Variants in HEXA observed in about 807,000 individuals in gnomAD.
HEXA encodes hexosaminidase subunit alpha.
HEXA carries 54 observed loss-of-function variants against 73.3 expected under a neutral mutation model. The ratio of observed to expected loss-of-function variants is 0.74; its 90% CI spans 0.59 to 0.92. HEXA has a LOEUF of 0.92. Among genes scored for constraint, HEXA ranks in the 40% least tolerant of loss-of-function variants. The pLI is 0.00. For synonymous variants in HEXA, 230 were observed against 246.9 expected (o/e 0.93, Z 0.64); for missense variants, 649 against 653.0 (o/e 0.99, Z 0.07).
In HEXA at chr15:72,344,135, C is replaced by A. The variant is rs1448744870; in HGVS notation, c.1532G>T (p.Gly511Val). The part of the protein sequence containing the change: ...SHFRCELLRR[G>V]VQAQPLNVGF... ...TACATTGAGGGGTTGGGCCTGGACACCTCGCCTGCAAGAGGACATGAAGAA... is the reference window on the plus strand; with the variant it reads ...TACATTGAGGGGTTGGGCCTGGACAACTCGCCTGCAAGAGGACATGAAGAA... Residue 511 changes from glycine to valine, a missense_variant, in exon 14 of 14, where the codon GGT (glycine) becomes GTT (valine). Coordinates refer to ENST00000268097, the MANE Select transcript of HEXA (RefSeq NM_000520.6). The A allele has an allele frequency of 6.2e-7, 1 of 1,613,780 alleles. No individual in the cohort carries two copies. The highest frequency in any genetic ancestry group is 2.2e-5 in the East Asian group (1 of 44,866).
rs2088610855 is a variant in HEXA, at chr15:72,346,222, C to CAA, written c.1421+12_1421+13insTT. ...CAGGCCCAACCCTCCACCTCCCCCCCGAAAACCCTTACCAGAGCCTGGGGA... is the reference window on the plus strand; with the variant it reads ...CAGGCCCAACCCTCCACCTCCCCCCCAAGAAAACCCTTACCAGAGCCTGGGGA... On this transcript the variant is annotated intron_variant, in intron 12 of 13. Coordinates refer to ENST00000268097, the MANE Select transcript of HEXA (RefSeq NM_000520.6). The CAA allele has an allele frequency of 6.2e-7, 1 of 1,608,434 alleles. No homozygotes were observed. Among genetic ancestry groups the CAA allele is most frequent in the Admixed American group, 1.7e-5 (1 of 59,852 alleles).
At chr15:72,361,364 T>C (rs1029821546) in intron 1 of HEXA, among the ~76,000 whole-genome samples, 1 of 152,204 alleles carries the variant, frequency 6.6e-6, no homozygotes, top group Middle Eastern at 3.2e-3. Flanking sequence ...CCCAATGTAC[T>C]AATGTTACCC....
intron 1 of HEXA, among the ~76,000 whole-genome samples, chr15:72,367,795 C>A (rs1233816227): frequency 1.3e-5 from 2 of 152,202 alleles, no homozygotes; most frequent in Non-Finnish European, 1.5e-5. Context: ...GCCTTTTCCA[C>A]GCGCAGTTCT....
chr15:72,363,199 T>C (rs183545927), intron 1 of HEXA, among the ~76,000 whole-genome samples: 211 of 152,346 alleles, frequency 1.4e-3, no homozygotes, highest in Non-Finnish European at 2.1e-3. Context: ...ATATTGTGCA[T>C]TTAATGTGCA....
Position 72,347,981 on chromosome 15 carries a change from G to A in HEXA, c.1073+67C>T, listed in dbSNP as rs980106724. The A allele has an allele frequency of 3.5e-6, 4 of 1,150,914 alleles. No homozygotes were observed. The African/African-American group carries it at 4.5e-5, about 13-fold the overall frequency. 71.3% of individuals were successfully genotyped at this position (1,150,914 alleles called of 1,614,324 possible). A position where few individuals can be genotyped will look rare whatever the true frequency, so the allele number is the denominator to read the frequency against. ...CAGTGGCCAAGCAGGGCCTGACTCG[G>A]TATGGAAAGGGAGGACCCCACAGGA... On this transcript the variant is annotated intron_variant, in intron 9 of 13. Transcript: ENST00000268097.
At chr15:72,350,060 G>C (rs1028634412) in intron 7 of HEXA, among the ~76,000 whole-genome samples, 4 of 152,086 alleles carry the variant, frequency 2.6e-5, no homozygotes, top group African/African-American at 9.7e-5. Context: ...CACCACGCCC[G>C]GCCAATATCT....
chr15:72,367,558 T>C (rs2088934095), intron 1 of HEXA, among the ~76,000 whole-genome samples: 1 of 152,232 alleles, frequency 6.6e-6, no homozygotes, highest in South Asian at 2.1e-4. Flanking sequence ...CAAGCCCCAA[T>C]GTAGCTAGAG....
Position 72,349,200 on chromosome 15 carries a change from G to C in HEXA, c.865C>G (p.Pro289Ala). 6.2e-7 allele frequency: 1 copy of C among 1,613,970 alleles called. No homozygotes were observed. The highest frequency in any genetic ancestry group is 8.5e-7 in the Non-Finnish European group (1 of 1,179,836). ...GTATTATTGAGACTGGGATTCACTGGTCCAAAGGTGCCAGAGGGCTCAGAC... is the reference window on the plus strand; with the variant it reads ...GTATTATTGAGACTGGGATTCACTGCTCCAAAGGTGCCAGAGGGCTCAGAC... ...SGSEPSGTFG[P>A]VNPSLNNTYE... The change falls in exon 8 of 14, where the codon CCA becomes GCA. Residue 289 changes from proline (P) to alanine (A), a missense_variant. Physicochemically the swap from Pro to Ala is conservative, Grantham distance 27. Coordinates refer to ENST00000268097, the MANE Select transcript of HEXA (RefSeq NM_000520.6).
At chr15:72,358,666 TCC>T (rs2088815461) in intron 1 of HEXA, 2 of 152,206 alleles carry the variant, frequency 1.3e-5, no homozygotes, top group South Asian at 4.2e-4. Flanking sequence ...TGGTGAAGAA[TCC>T]CTGTCCGAAG....
chr15:72,343,726 T>G lies in HEXA; in HGVS notation c.*351A>C, dbSNP rs1595795255. ...AATATGGTCAGGAGTGGGAGGGGAG[T>G]GACATAGCTCACAGGCAAGGCAGAA... On this transcript the variant is annotated 3_prime_UTR_variant, in exon 14 of 14. Coordinates refer to ENST00000268097, the MANE Select transcript of HEXA (RefSeq NM_000520.6). The G allele has an allele frequency of 2.6e-5, 8 of 312,494 alleles. No individual in the cohort carries two copies. The highest frequency in any genetic ancestry group is 8.9e-5 in the South Asian group (3 of 33,650). The allele number at this position is 312,494 out of a possible 1,614,324, so 19.4% of individuals were successfully genotyped here. A position where few individuals can be genotyped will look rare whatever the true frequency, so the allele number is the denominator to read the frequency against.
chr15:72,353,713 AC>A lies in HEXA; in HGVS notation c.436del (p.Val146PhefsTer53), dbSNP rs1057517174. On this transcript the variant is annotated frameshift_variant, in exon 4 of 14. Coordinates refer to ENST00000268097, the MANE Select transcript of HEXA (RefSeq NM_000520.6). LOFTEE classifies it high-confidence loss of function. ...LRGLETFSQL[V>X]WKSAEGTFFI... ...TACTGTGCCCTCAGCAGATTTCCAA[AC>A]AAGCTGGCTAAAAGTCTCCAGACCT... The A allele has an allele frequency of 1.9e-6, 3 of 1,613,242 alleles. No individual in the cohort carries two copies. In the African/African-American group the frequency reaches 4.0e-5, roughly 22 times the overall value.
At chr15:72,361,280 A>T (rs566249034) in intron 1 of HEXA, among the ~76,000 whole-genome samples, 1 of 152,318 alleles carries the variant, frequency 6.6e-6, no homozygotes, top group African/African-American at 2.4e-5. Flanking sequence ...CCCTTAGCTT[A>T]GGGGACATTG....
chr15:72,368,047 T>C (rs1298989930), intron 1 of HEXA, among the ~76,000 whole-genome samples: 1 of 152,192 alleles, frequency 6.6e-6, no homozygotes, highest in Non-Finnish European at 1.5e-5. Context: ...GAAGTTCAAT[T>C]TAATATTCCT....
Position 72,356,527 on chromosome 15 carries a change from T to C in HEXA, c.344A>G (p.Asn115Ser). Reference sequence around the variant, plus strand: ...ACAGGGAACAGGATGGTACTTACAATTCTCCACTGACTCCAAAGTAGGAAG... The same window carrying C: ...ACAGGGAACAGGATGGTACTTACAACTCTCCACTGACTCCAAAGTAGGAAG... Reference protein sequence around the residue: ...NQLPTLESVENYTLTINDDQC... With the variant: ...NQLPTLESVESYTLTINDDQC... Residue 115 changes from asparagine (N) to serine (S), a missense_variant and splice_region_variant, in exon 2 of 14, where the codon AAT (asparagine) becomes AGT (serine). Asn to Ser is a conservative substitution (Grantham distance 46). Coordinates refer to ENST00000268097, the MANE Select transcript of HEXA (RefSeq NM_000520.6). 6.2e-7 allele frequency: 1 copy of C among 1,614,042 alleles called. No homozygotes were observed. The highest frequency in any genetic ancestry group is 8.5e-7 in the Non-Finnish European group (1 of 1,179,982).
chr15:72,360,913 C>T (rs145793663), intron 1 of HEXA, among the ~76,000 whole-genome samples: 4 of 152,276 alleles, frequency 2.6e-5, no homozygotes, highest in Non-Finnish European at 4.4e-5. Context: ...GTGCCTGGTA[C>T]CTCCTATGTG....
intron 1 of HEXA, chr15:72,359,314 CTGCAGCTCACTCA>C (rs1445216806): frequency 6.6e-6 from 1 of 152,256 alleles, no homozygotes; most frequent in Non-Finnish European, 1.5e-5. Context: ...CCTGCTACCT[CTGCAGCTCACTCA>C]TCTCCCTGCT....
intron 12 of HEXA, chr15:72,345,840 A>G: frequency 1.9e-6 from 1 of 533,760 alleles, no homozygotes. Flanking sequence ...CAGTGGCAGC[A>G]GCAGAGGTCC....
At chr15:72,346,030 A>G (rs1160650432) in intron 12 of HEXA, 21 of 609,840 alleles carry the variant, frequency 3.4e-5, no homozygotes, top group Non-Finnish European at 6.2e-5. Context: ...CCCACATACC[A>G]AAGGGCAGCT....
At chr15:72,345,232 T>C (rs1595796073) in intron 13 of HEXA, 4 of 810,348 alleles carry the variant, frequency 4.9e-6, no homozygotes, top group East Asian at 2.9e-5. Flanking sequence ...ATGTAAATAG[T>C]TGTTATACAG....
Sources: allele counts gnomAD v4.1 joint callset (sites outside exome capture counted in the v4.1 genomes callset), GRCh38; gene constraint gnomAD v4.1.1; transcripts MANE v1.5; gene names NCBI Gene and HGNC (gene_info 2026-07-23, HGNC 2026-07-21).